Variants in PCSK6 observed in about 807,000 individuals in gnomAD.
PCSK6 encodes paired basic amino acid cleaving enzyme 4.
In PCSK6, 85 loss-of-function variants were observed where a neutral mutation model predicts 123.3. The observed-to-expected ratio is 0.69, with a 90% CI of 0.58 to 0.83. The LOEUF (loss-of-function observed/expected upper bound fraction) is 0.83, where lower values mean the gene tolerates loss of function less well. Ranked by LOEUF, PCSK6 falls within the 40% of genes least tolerant of loss-of-function variation. PCSK6 has a pLI of 0.00. For synonymous variants in PCSK6, 508 were observed against 516.0 expected, an observed-to-expected ratio of 0.98 and a Z score of 0.21; for missense variants, 1,191 against 1,282.3, an observed-to-expected ratio of 0.93 and a Z score of 1.09.
At chr15:101,397,602 G>C (rs1346488435) in intron 7 of PCSK6, among the ~76,000 whole-genome samples, 1 of 152,104 alleles carries the variant, frequency 6.6e-6, no homozygotes, top group African/African-American at 2.4e-5. Context: ...ATTGTACGTT[G>C]GGCTGGGACC....
At chr15:101,335,103 G>T (rs1160425393) in intron 13 of PCSK6, among the ~76,000 whole-genome samples, 2 of 152,150 alleles carry the variant, frequency 1.3e-5, no homozygotes, top group Non-Finnish European at 2.9e-5. Flanking sequence ...AGGACTACAG[G>T]TGTGCACCAC....
At chr15:101,479,088 G>A (rs939782947) in intron 1 of PCSK6, among the ~76,000 whole-genome samples, 1 of 152,190 alleles carries the variant, frequency 6.6e-6, no homozygotes, top group Non-Finnish European at 1.5e-5. Context: ...ACTATGAGAC[G>A]CTGTGGTCCA....
Position 101,422,813 on chromosome 15 carries a change from G to T in PCSK6, c.823+5079C>A, listed in dbSNP as rs952822561. On this transcript the variant is annotated intron_variant, in intron 6 of 21. Transcript: ENST00000611716. ...ATTTTTTGCATTTTTAGTAGAGATG[G>T]GGTTTCACTGTGTTAGCCAGGATGG... Among the ~76,000 whole-genome samples, 80 of 152,014 alleles carry T rather than the reference G, an allele frequency of 5.3e-4. 1 individual carries two copies. The highest frequency in any genetic ancestry group is 1.9e-3 in the African/African-American group (79 of 41,468).
intron 19 of PCSK6, among the ~76,000 whole-genome samples, chr15:101,314,023 T>C (rs926754569): frequency 2.0e-5 from 3 of 152,242 alleles, no homozygotes; most frequent in African/African-American, 7.2e-5. Flanking sequence ...TGGCTTGCGT[T>C]TGTGGCCCTT....
chr15:101,355,701 G>A (rs907431990), intron 13 of PCSK6, among the ~76,000 whole-genome samples: 1 of 152,272 alleles, frequency 6.6e-6, no homozygotes, highest in African/African-American at 2.4e-5. Flanking sequence ...GATTCCTGCA[G>A]AGCACTTTGC....
At chr15:101,387,956 C>T (rs3825910) in intron 9 of PCSK6, among the ~76,000 whole-genome samples, 95,768 of 152,150 alleles carry the variant, frequency 0.63, 31,132 homozygotes, top group Admixed American at 0.73. Context: ...TTGCCTGATC[C>T]GTCCCCTGTA....
intron 1 of PCSK6, among the ~76,000 whole-genome samples, chr15:101,471,759 TCCAGAAA>T (rs2057609749): frequency 6.6e-6 from 1 of 152,194 alleles, no homozygotes; most frequent in African/African-American, 2.4e-5. Flanking sequence ...CAGCCATCAC[TCCAGAAA>T]GTCTCGCATG....
chr15:101,394,453 A>T (rs1357041567), intron 7 of PCSK6, among the ~76,000 whole-genome samples: 1 of 152,106 alleles, frequency 6.6e-6, no homozygotes, highest in Admixed American at 6.5e-5. Flanking sequence ...CGAGTGGAAG[A>T]CTGAACTGAC....
At position 101,303,976 on chromosome 15, in the gene PCSK6, T is replaced by C. The variant is rs1209805181; in HGVS notation, c.*1282A>G. On this transcript the variant is annotated 3_prime_UTR_variant, in exon 22 of 22. Coordinates refer to ENST00000611716, the MANE Select transcript of PCSK6 (RefSeq NM_002570.5). Reference sequence around the variant, plus strand: ...ATTAATTTAGGGTTAACATTGTACTTGCTTCATTGATTTCTCTTTCAGAGT... The same window carrying C: ...ATTAATTTAGGGTTAACATTGTACTCGCTTCATTGATTTCTCTTTCAGAGT... The C allele has an allele frequency of 6.6e-6, 1 of 152,658 alleles. No individual in the cohort carries two copies. The highest frequency in any genetic ancestry group is 2.4e-5 in the African/African-American group (1 of 41,460). The allele number at this position is 152,658 out of a possible 1,614,324, so 9.5% of individuals were successfully genotyped here. A position where few individuals can be genotyped will look rare whatever the true frequency, so the allele number is the denominator to read the frequency against.
intron 13 of PCSK6, among the ~76,000 whole-genome samples, chr15:101,348,913 C>T (rs1191328922): frequency 6.6e-6 from 1 of 152,252 alleles, no homozygotes; most frequent in Non-Finnish European, 1.5e-5. Context: ...CGCCACCCTC[C>T]TGCTCCTCTC....
At chr15:101,333,472 C>T (rs2040411636) in intron 13 of PCSK6, among the ~76,000 whole-genome samples, 1 of 152,224 alleles carries the variant, frequency 6.6e-6, no homozygotes, top group Non-Finnish European at 1.5e-5. Flanking sequence ...GCTTCCTCTT[C>T]CTTTCCTGCC....
At position 101,305,867 on chromosome 15, in the gene PCSK6, C is replaced by T. The variant is rs1271534069; in HGVS notation, c.2813-512G>A. On this transcript the variant is annotated intron_variant, in intron 21 of 21. Coordinates refer to ENST00000611716, the MANE Select transcript of PCSK6 (RefSeq NM_002570.5). The surrounding 1 kb of genome is among the most constrained non-coding windows in gnomAD (Gnocchi z 4.8). ...CTGCAATGCACTTGACTCTGGGAGC[C>T]CTGTGTGGCGGGAGGGCACTGGTAT... 6.4e-6 allele frequency: 1 copy of T among 155,106 alleles called. No individual in the cohort carries two copies. The allele number at this position is 155,106 out of a possible 1,614,324, so 9.6% of individuals were successfully genotyped here. A position where few individuals can be genotyped will look rare whatever the true frequency, so the allele number is the denominator to read the frequency against.
chr15:101,306,064 G>T (rs141591920), intron 21 of PCSK6, among the ~76,000 whole-genome samples: 1 of 152,014 alleles, frequency 6.6e-6, no homozygotes, highest in African/African-American at 2.4e-5. Context: ...AGGGGAGGCC[G>T]GAGGACGGGC....
Position 101,410,686 on chromosome 15 carries a change from G to A in PCSK6, c.824-12110C>T, listed in dbSNP as rs112750065. Among the ~76,000 whole-genome samples the A allele has an allele frequency of 1.5e-3, 234 of 152,318 alleles. 1 individual carries two copies. Among genetic ancestry groups the A allele is most frequent in the African/African-American group, 5.5e-3 (229 of 41,570 alleles). On this transcript the variant is annotated intron_variant, in intron 6 of 21. Coordinates refer to ENST00000611716, the MANE Select transcript of PCSK6 (RefSeq NM_002570.5). ...CTGGCCACTGGGCTTGGTGGCAGCT[G>A]TTCTCATCTGGTCACCGCGATGTCC... is the stretch of plus-strand genomic sequence containing the variant.
At chr15:101,342,353 T>G (rs1295294225) in intron 13 of PCSK6, among the ~76,000 whole-genome samples, 1 of 152,026 alleles carries the variant, frequency 6.6e-6, no homozygotes, top group Non-Finnish European at 1.5e-5. Context: ...AAATTAAGGA[T>G]GCATATTGTA....
At chr15:101,338,660 G>C (rs897503849) in intron 13 of PCSK6, among the ~76,000 whole-genome samples, 2 of 152,224 alleles carry the variant, frequency 1.3e-5, no homozygotes, top group Admixed American at 6.5e-5. Flanking sequence ...GCCTGTTCAA[G>C]TTTACTGTTG....
At chr15:101,455,733 C>T (rs2057161668) in intron 1 of PCSK6, among the ~76,000 whole-genome samples, 1 of 152,216 alleles carries the variant, frequency 6.6e-6, no homozygotes, top group East Asian at 1.9e-4. Context: ...CACAGAGAAA[C>T]ATGCACTGTC....
At position 101,443,594 on chromosome 15, in the gene PCSK6, T is replaced by C. The variant is rs202218452; in HGVS notation, c.364A>G (p.Ser122Gly). The C allele has an allele frequency of 8.1e-6, 13 of 1,613,972 alleles. No individual in the cohort carries two copies. The African/African-American group carries it at 1.5e-4, about 18-fold the overall frequency. Residue 122 changes from serine (S) to glycine (G), a missense_variant, in exon 2 of 22, where the codon AGC (serine) becomes GGC (glycine). By Grantham distance (56) the Ser-to-Gly change is moderately conservative (BLOSUM62 0). Around this residue, in one of 3 missense-constraint regions of PCSK6, gnomAD observed 204 missense variants for 166.4 expected, o/e 1.23. Transcript: ENST00000611716. ...CTGAGGAAGGTGTGAGGGCCTCTGC[T>C]ACTCAAGGTTGATCTTTTAAAGGTT... Reference protein sequence around the residue: ...SKTFKRSTLSSRGPHTFLRMD... With the variant: ...SKTFKRSTLSGRGPHTFLRMD...
In PCSK6 at chr15:101,398,434, A is replaced by C; in HGVS notation, c.966T>G (p.Ala322=). 1.2e-6 allele frequency: 2 copies of C among 1,613,202 alleles called. No homozygotes were observed. The highest frequency in any genetic ancestry group is 2.2e-5 in the South Asian group (2 of 91,034). The part of the protein sequence containing the change: ...GKTVDGPGRL[A]KQAFEYGIKK... ...TAATGCCATACTCGAAAGCCTGCTT[A>C]GCCAGTCGGCCGGGCCCGTCCACCG... The change falls in exon 7 of 22, where the codon GCT becomes GCG. Residue 322 remains alanine (A), a synonymous_variant. Coordinates refer to ENST00000611716, the MANE Select transcript of PCSK6 (RefSeq NM_002570.5). This position sits in a 1 kb window ranked among gnomAD's most constrained non-coding sequence, Gnocchi z 4.6.
Sources: gnomAD v4.1 joint callset for allele counts (sites outside exome capture counted in the v4.1 genomes callset) on GRCh38, gnomAD v4.1.1 for gene constraint, gnomAD v4.1.1 regional missense constraint, Gnocchi (gnomAD v3.1) non-coding constraint, MANE v1.5 for transcripts, NCBI Gene and HGNC (gene_info 2026-07-23, HGNC 2026-07-21) for gene names.